The following DTHD1 variants were observed in gnomAD, a reference collection of about 807,000 sequenced individuals.
DTHD1 encodes the protein death domain containing 1.
A neutral mutation model predicts 74.8 loss-of-function variants in DTHD1; 59 were observed. That is an observed-to-expected ratio of 0.79 (90% CI 0.64 to 0.98). The LOEUF (loss-of-function observed/expected upper bound fraction) is 0.98. DTHD1 is among the 50% of genes least tolerant of loss of function. The probability of loss-of-function intolerance (pLI) is 0.00; values close to 1 mark genes in which losing one functional copy is unlikely to be tolerated. For missense variants in DTHD1, 1,051 were observed against 1,065.4 expected (o/e 0.99, Z 0.19); for synonymous variants, 365 against 371.1 (o/e 0.98, Z 0.19).
intron 8 of DTHD1, among the ~76,000 whole-genome samples, chr4:36,324,601 G>A (rs545365517): frequency 2.0e-5 from 3 of 152,100 alleles, no homozygotes; most frequent in South Asian, 4.1e-4. Context: ...CAGTCAACAC[G>A]TTAATTTAGC....
rs1360168241 is a variant in DTHD1 at position 36,344,201 on chromosome 4, A to C, written c.*377A>C. 1 of 179,772 alleles carries C rather than the reference A, an allele frequency of 5.6e-6. No individual in the cohort carries two copies. The highest frequency in any genetic ancestry group is 1.2e-5 in the Non-Finnish European group (1 of 83,966). The allele number at this position is 179,772 out of a possible 1,614,324, so 11.1% of individuals were successfully genotyped here. ...AATTAAACTAGTTTTCTGTGACTTCAAGTGTGAGCCCAAAAATATCTGAGA... is the reference window on the plus strand; with the variant it reads ...AATTAAACTAGTTTTCTGTGACTTCCAGTGTGAGCCCAAAAATATCTGAGA... On this transcript the variant is annotated 3_prime_UTR_variant, in exon 10 of 10. Transcript: ENST00000639862.
intron 9 of DTHD1, among the ~76,000 whole-genome samples, chr4:36,340,399 G>A (rs1254552978): frequency 6.6e-6 from 1 of 152,184 alleles, no homozygotes; most frequent in Non-Finnish European, 1.5e-5. Flanking sequence ...GTAGGACATG[G>A]TTAAGATTGA....
chr4:36,299,442 C>T (rs1403400676), intron 5 of DTHD1, among the ~76,000 whole-genome samples: 1 of 152,214 alleles, frequency 6.6e-6, no homozygotes, highest in Non-Finnish European at 1.5e-5. Context: ...CTGCTGCTTT[C>T]AAGATCTTTT....
intron 5 of DTHD1, among the ~76,000 whole-genome samples, chr4:36,295,715 G>A (rs1466062890): frequency 6.6e-6 from 1 of 152,018 alleles, no homozygotes; most frequent in Non-Finnish European, 1.5e-5. Context: ...TTTAGTTGTA[G>A]CCAGTAAACA....
At position 36,290,603 on chromosome 4, in the gene DTHD1, G is replaced by T. The variant is rs1323909494; in HGVS notation, c.1118G>T (p.Arg373Ile). 8.4e-6 allele frequency: 13 copies of T among 1,550,878 alleles called. No homozygotes were observed. Among genetic ancestry groups the T allele is most frequent in the Non-Finnish European group, 1.1e-5 (13 of 1,146,988 alleles). ...GIAIPFTARY[R>I]GNYRDIMVKV... is the part of the protein sequence containing the mutation. ...GCAATTCCATTTACTGCACGTTACAGAGGAAATTACAGAGATATCATGGTG... is the reference window on the plus strand; with the variant it reads ...GCAATTCCATTTACTGCACGTTACATAGGAAATTACAGAGATATCATGGTG... Residue 373 changes from arginine to isoleucine, a missense_variant, in exon 3 of 10, where the codon AGA (arginine) becomes ATA (isoleucine). Physicochemically the swap from Arg to Ile is moderately conservative, Grantham distance 97. Transcript: ENST00000639862.
intron 8 of DTHD1, among the ~76,000 whole-genome samples, chr4:36,322,321 T>C (rs1439677591): frequency 3.9e-5 from 6 of 152,156 alleles, no homozygotes; most frequent in Admixed American, 3.9e-4. Context: ...AATGGGTATA[T>C]ATAAATAGAA....
In DTHD1 at chr4:36,346,810, C is replaced by T. The variant is rs1445168452; in HGVS notation, c.*2986C>T. On this transcript the variant is annotated 3_prime_UTR_variant, in exon 10 of 10. Transcript: ENST00000639862. ...TGTCCCTGGCCTGCAACCACTGCTC[C>T]TCTCAAGAAGGCCACCTCTAGCCAA... Among the ~76,000 whole-genome samples the T allele has an allele frequency of 1.3e-5, 2 of 152,028 alleles. No homozygotes were observed. The highest frequency in any genetic ancestry group is 1.3e-4 in the Admixed American group (2 of 15,256).
At chr4:36,296,804 G>A (rs1267521706) in intron 5 of DTHD1, among the ~76,000 whole-genome samples, 3 of 151,672 alleles carry the variant, frequency 2.0e-5, no homozygotes, top group Non-Finnish European at 4.4e-5. Context: ...GTTTTACTAT[G>A]CTTTATATAG....
intron 8 of DTHD1, among the ~76,000 whole-genome samples, chr4:36,321,776 C>T (rs999661954): frequency 6.6e-6 from 1 of 152,148 alleles, no homozygotes; most frequent in Non-Finnish European, 1.5e-5. Flanking sequence ...CTGCCCCAAA[C>T]CCTTCAGTGG....
At chr4:36,304,060 G>GC (rs1756916501) in intron 5 of DTHD1, among the ~76,000 whole-genome samples, 1 of 152,184 alleles carries the variant, frequency 6.6e-6, no homozygotes, top group Non-Finnish European at 1.5e-5. Flanking sequence ...ATTCTGGTGA[G>GC]CAGCATTAAT....
chr4:36,282,136 C>A lies in DTHD1; in HGVS notation c.271+107C>A. The A allele has an allele frequency of 3.3e-6, 3 of 904,914 alleles. No homozygotes were observed. The East Asian group carries it at 9.4e-5, about 28-fold the overall frequency. The allele number at this position is 904,914 out of a possible 1,614,324, so 56.1% of individuals were successfully genotyped here. On this transcript the variant is annotated intron_variant, in intron 1 of 9. Coordinates refer to ENST00000639862, the MANE Select transcript of DTHD1 (RefSeq NM_001170700.3). ...AGATAGGCTAAGATAGAGTTTCTGTCCACAAGAGACTAACAATTTCAAAGG... is the reference window on the plus strand; with the variant it reads ...AGATAGGCTAAGATAGAGTTTCTGTACACAAGAGACTAACAATTTCAAAGG...
At chr4:36,331,571 T>C (rs10010164) in intron 8 of DTHD1, among the ~76,000 whole-genome samples, 16,094 of 152,180 alleles carry the variant, frequency 0.11, 1,906 homozygotes, top group African/African-American at 0.29. Flanking sequence ...AAGACTTATT[T>C]CCAGAAAATC....
Position 36,343,860 on chromosome 4 carries a change from G to A in DTHD1, c.*36G>A, listed in dbSNP as rs190538762. 2,469 of 1,486,574 alleles carry A rather than the reference G, an allele frequency of 1.7e-3. 1 individual carries two copies. The highest frequency in any genetic ancestry group is 2.0e-3 in the Non-Finnish European group (2,225 of 1,116,774). The allele number at this position is 1,486,574 out of a possible 1,614,324, so 92.1% of individuals were successfully genotyped here. A position where few individuals can be genotyped will look rare whatever the true frequency, so the allele number is the denominator to read the frequency against. On this transcript the variant is annotated 3_prime_UTR_variant, in exon 10 of 10. Coordinates refer to ENST00000639862, the MANE Select transcript of DTHD1 (RefSeq NM_001170700.3). Reference sequence around the variant, plus strand: ...TCTCTTCCTTTACCCCTAGGAAAAGGCACACGGTGGGTTTTTGTTTCTGTC... The same window carrying A: ...TCTCTTCCTTTACCCCTAGGAAAAGACACACGGTGGGTTTTTGTTTCTGTC...
At chr4:36,341,850 A>T (rs980778343) in intron 9 of DTHD1, among the ~76,000 whole-genome samples, 1 of 152,340 alleles carries the variant, frequency 6.6e-6, no homozygotes, top group South Asian at 2.1e-4. Context: ...TGACTGGGGG[A>T]CACCAAGGGA....
chr4:36,312,420 G>C (rs577549995), intron 7 of DTHD1, among the ~76,000 whole-genome samples: 2 of 152,052 alleles, frequency 1.3e-5, no homozygotes, highest in African/African-American at 4.8e-5. Context: ...AAAGTCTAAT[G>C]AAGAAAGACA....
Position 36,290,631 on chromosome 4 carries a change from A to C in DTHD1, c.1146A>C (p.Lys382Asn). ...YRGNYRDIMVKVCDINLQSSY... is the reference protein window; with the variant it reads ...YRGNYRDIMVNVCDINLQSSY... Reference sequence around the variant, plus strand: ...GAAATTACAGAGATATCATGGTGAAAGTGTGTGACATAAACCTTCAATCAA... The same window carrying C: ...GAAATTACAGAGATATCATGGTGAACGTGTGTGACATAAACCTTCAATCAA... The change falls in exon 3 of 10, where the codon AAA becomes AAC. Residue 382 changes from lysine to asparagine, a missense_variant. Physicochemically the swap from Lys to Asn is moderately conservative, Grantham distance 94. Transcript: ENST00000639862. The C allele has an allele frequency of 5.8e-6, 9 of 1,549,152 alleles. No homozygotes were observed. Among genetic ancestry groups the C allele is most frequent in the Non-Finnish European group, 7.8e-6 (9 of 1,146,956 alleles).
chr4:36,337,760 C>A (rs1375850559), intron 8 of DTHD1, among the ~76,000 whole-genome samples: 1 of 152,118 alleles, frequency 6.6e-6, no homozygotes, highest in African/African-American at 2.4e-5. Context: ...TATTCAGATT[C>A]AACTAACTTG....
At position 36,331,165 on chromosome 4, in the gene DTHD1, A is replaced by G. The variant is rs558948965; in HGVS notation, c.2341-7947A>G. ...ACTAAAATACACACAGGTAAAAGTG[A>G]TAAGATTATAATAAAGTAAATAACC... On this transcript the variant is annotated intron_variant, in intron 8 of 9. Transcript: ENST00000639862. Among the ~76,000 whole-genome samples, 121 of 152,258 alleles carry G rather than the reference A, an allele frequency of 7.9e-4. 2 individuals are homozygous for G. The highest frequency in any genetic ancestry group is 6.8e-3 in the Middle Eastern group (2 of 294).
At chr4:36,312,022 A>G (rs1303323755) in intron 7 of DTHD1, among the ~76,000 whole-genome samples, 2 of 152,166 alleles carry the variant, frequency 1.3e-5, no homozygotes, top group African/African-American at 2.4e-5. Context: ...AATAGGAAGG[A>G]AGATGGATAG....
Sources: allele counts gnomAD v4.1 joint callset (sites outside exome capture counted in the v4.1 genomes callset), GRCh38; gene constraint gnomAD v4.1.1; transcripts MANE v1.5; gene names NCBI Gene and HGNC (gene_info 2026-07-23, HGNC 2026-07-21).